The following CYLD variants were observed in gnomAD, a reference collection of about 807,000 sequenced individuals.
CYLD encodes ubiquitin carboxyl-terminal hydrolase CYLD.
Under a neutral mutation model 104.5 loss-of-function variants are expected in CYLD, and 26 were observed. The observed-to-expected ratio is 0.25, with a 90% CI of 0.18 to 0.35. The LOEUF is 0.35. CYLD is among the 10% of genes least tolerant of loss of function. The pLI, the probability that CYLD is intolerant of heterozygous loss-of-function variation, is 1.00. For synonymous variants in CYLD, 385 were observed against 399.9 expected (o/e 0.96, Z 0.45); for missense variants, 703 against 1,136.1 (o/e 0.62, Z 5.48).
rs773694519 is a variant in CYLD at position 50,796,530 on chromosome 16, A to G, written c.*22A>G. Reference sequence around the variant, plus strand: ...ATAACTGGGGTCATCGGGAAAGGCAAAGAAACTGAAGGCAGAGTCCTAACG... The same window carrying G: ...ATAACTGGGGTCATCGGGAAAGGCAGAGAAACTGAAGGCAGAGTCCTAACG... On this transcript the variant is annotated 3_prime_UTR_variant, in exon 19 of 19. Transcript: ENST00000427738. The G allele has an allele frequency of 3.2e-5, 52 of 1,609,950 alleles. No individual in the cohort carries two copies. Among genetic ancestry groups the G allele is most frequent in the Non-Finnish European group, 4.4e-5 (52 of 1,179,260 alleles).
At chr16:50,772,377 A>T (rs980662294) in intron 5 of CYLD, among the ~76,000 whole-genome samples, 3 of 152,152 alleles carry the variant, frequency 2.0e-5, no homozygotes, top group Non-Finnish European at 4.4e-5. Flanking sequence ...TTTGTTTTAT[A>T]TATTATGTCT....
At chr16:50,765,052 T>C (rs543743496) in intron 5 of CYLD, among the ~76,000 whole-genome samples, 1 of 152,338 alleles carries the variant, frequency 6.6e-6, no homozygotes, top group Non-Finnish European at 1.5e-5. Context: ...CAGAGTAACA[T>C]GGCTAAATGT....
chr16:50,779,638 T>C lies in CYLD; in HGVS notation c.1139-27T>C, dbSNP rs373480008. The C allele has an allele frequency of 1.7e-5, 28 of 1,609,708 alleles. No individual in the cohort carries two copies. In the African/African-American group the frequency reaches 3.2e-4, roughly 18 times the overall value. On this transcript the variant is annotated intron_variant, in intron 8 of 18. Transcript: ENST00000427738. ...GACAGAGTCAATATCCTTGAATACA[T>C]TTCTGTAATTAGGAATAATTTTTTA... is the stretch of plus-strand genomic sequence containing the variant.
rs368114885 is a variant in CYLD, at chr16:50,749,768, C to T, written c.70C>T (p.Leu24Phe). 3.1e-6 allele frequency: 5 copies of T among 1,613,614 alleles called. No homozygotes were observed. In the African/African-American group the frequency reaches 6.7e-5, roughly 22 times the overall value. ...CTGGGAAGAGCGGATTTTTTACTTG[C>T]TTCTTCAAGAATGCAGCGTTACAGA... Reference protein sequence around the residue: ...PYWEERIFYLLLQECSVTDKQ... With the variant: ...PYWEERIFYLFLQECSVTDKQ... The change falls in exon 3 of 19, where the codon CTT becomes TTT. Residue 24 changes from leucine to phenylalanine, a missense_variant. Transcript: ENST00000427738.
chr16:50,785,576 A>C (rs1373491694), intron 12 of CYLD: 1 of 152,210 alleles, frequency 6.6e-6, no homozygotes, highest in Non-Finnish European at 1.5e-5. Flanking sequence ...AGACAGGTCA[A>C]ACCCGAAACT....
At chr16:50,765,918 C>T (rs1011137655) in intron 5 of CYLD, among the ~76,000 whole-genome samples, 1 of 152,166 alleles carries the variant, frequency 6.6e-6, no homozygotes, top group Non-Finnish European at 1.5e-5. Flanking sequence ...GGTTCATAAA[C>T]TTTAAGGAAA....
At chr16:50,755,152 T>C (rs1160491006) in intron 5 of CYLD, among the ~76,000 whole-genome samples, 1 of 36,812 alleles carries the variant, frequency 2.7e-5, no homozygotes, top group Non-Finnish European at 5.4e-5. Context: ...CATATGTGTG[T>C]ATATACACAC....
Position 50,750,166 on chromosome 16 carries a change from G to A in CYLD, c.468G>A (p.Arg156=). Residue 156 remains arginine, a synonymous_variant, in exon 3 of 19, where the codon AGG becomes AGA. Transcript: ENST00000427738. Reference sequence around the variant, plus strand: ...TCAGAGGACCCCTGTTAGCAGAGAGGACAGTCTCCGGAATATTCTTTGGAG... The same window carrying A: ...TCAGAGGACCCCTGTTAGCAGAGAGAACAGTCTCCGGAATATTCTTTGGAG... ...VRFRGPLLAE[R]TVSGIFFGVE... 7.4e-6 allele frequency: 12 copies of A among 1,613,972 alleles called. No individual in the cohort carries two copies. The highest frequency in any genetic ancestry group is 1.0e-5 in the Non-Finnish European group (12 of 1,179,970).
chr16:50,748,668 A>C (rs1488881358), intron 2 of CYLD, among the ~76,000 whole-genome samples: 2 of 152,202 alleles, frequency 1.3e-5, no homozygotes, highest in Non-Finnish European at 2.9e-5. Context: ...GATGCTACAA[A>C]ATTGATTTTT....
chr16:50,787,969 T>C, intron 14 of CYLD, 117 bp downstream of exon 14: 1 of 648,788 alleles, frequency 1.5e-6, no homozygotes, highest in Non-Finnish European at 2.7e-6. Context: ...TGTTTAGGGC[T>C]CTTAATAGGC....
At chr16:50,761,746 ATATC>A (rs58093805) in intron 5 of CYLD, among the ~76,000 whole-genome samples, 157 of 149,896 alleles carry the variant, frequency 1.0e-3, no homozygotes, top group Non-Finnish European at 1.7e-3. Context: ...ACATATCTCT[ATATC>A]TATCTATCTA....
rs781004605 is a variant in CYLD at position 50,800,896 on chromosome 16, C to T, written c.*4388C>T. On this transcript the variant is annotated 3_prime_UTR_variant, in exon 19 of 19. Coordinates refer to ENST00000427738, the MANE Select transcript of CYLD (RefSeq NM_001378743.1). ...AGGTGAGGAGTCGGGGAGGAGAAAGCGATGTTAAAATGAAAACTCACTGCA... is the reference window on the plus strand; with the variant it reads ...AGGTGAGGAGTCGGGGAGGAGAAAGTGATGTTAAAATGAAAACTCACTGCA... The T allele has an allele frequency of 4.9e-4, 115 of 233,266 alleles. No individual in the cohort carries two copies. The highest frequency in any genetic ancestry group is 2.0e-3 in the African/African-American group (89 of 45,408). The allele number at this position is 233,266 out of a possible 1,614,324, so 14.4% of individuals were successfully genotyped here.
intron 4 of CYLD, 99 bp from the exon 5 acceptor site, chr16:50,754,220 C>T (rs1018155622): frequency 1.3e-5 from 10 of 789,894 alleles, no homozygotes; most frequent in Non-Finnish European, 2.2e-5. Context: ...TTAACATTTA[C>T]CAATGTAAAA....
chr16:50,781,213 G>A (rs759012122), intron 9 of CYLD, 33 bp from the exon 10 acceptor site: 6 of 1,612,210 alleles, frequency 3.7e-6, no homozygotes, highest in Admixed American at 1.7e-5. Context: ...TGTAAGGCAC[G>A]GTATAATGCA....
rs1438972058 is a variant in CYLD, at chr16:50,801,922, C to A, written c.*5414C>A. On this transcript the variant is annotated 3_prime_UTR_variant, in exon 19 of 19. Transcript: ENST00000427738. ...TACTATTTCTGTATCATTAAAATTACATTTTTATGGTTCCTTTTCCTGGAT... is the reference window on the plus strand; with the variant it reads ...TACTATTTCTGTATCATTAAAATTAAATTTTTATGGTTCCTTTTCCTGGAT... The A allele has an allele frequency of 4.4e-6, 1 of 226,506 alleles. No individual in the cohort carries two copies. Among genetic ancestry groups the A allele is most frequent in the African/African-American group, 2.2e-5 (1 of 44,940 alleles). 14.0% of individuals were successfully genotyped at this position (226,506 alleles called of 1,614,324 possible).
intron 11 of CYLD, 121 bp from the exon 12 acceptor site, chr16:50,784,208 C>A: frequency 8.8e-7 from 1 of 1,142,478 alleles, no homozygotes; most frequent in Non-Finnish European, 1.3e-6. Flanking sequence ...ATGAAAAACA[C>A]AAATTGTTAT....
intron 11 of CYLD, among the ~76,000 whole-genome samples, chr16:50,783,304 G>C (rs1409104298): frequency 2.0e-5 from 3 of 152,020 alleles, no homozygotes; most frequent in African/African-American, 7.2e-5. Flanking sequence ...TTGTAGACTG[G>C]GCTAAATTGA....
At position 50,800,105 on chromosome 16, in the gene CYLD, T is replaced by C. The variant is rs372708124; in HGVS notation, c.*3597T>C. The C allele has an allele frequency of 4.0e-4, 93 of 233,188 alleles. 1 individual carries two copies. The highest frequency in any genetic ancestry group is 2.0e-3 in the African/African-American group (89 of 45,456). 14.4% of individuals were successfully genotyped at this position (233,188 alleles called of 1,614,324 possible). On this transcript the variant is annotated 3_prime_UTR_variant, in exon 19 of 19. Transcript: ENST00000427738. ...GCATTCTAGCCCTGTTTCTGTCACT[T>C]GCTCTGTACACTTAGACAACAGCTT... is the stretch of plus-strand genomic sequence containing the variant.
chr16:50,784,513 A>G, intron 12 of CYLD, 62 bp downstream of exon 12: 3 of 1,538,592 alleles, frequency 1.9e-6, no homozygotes, highest in Non-Finnish European at 2.7e-6. Context: ...GTTTTCTGGT[A>G]TAGTAATTAA....
Sources: allele counts gnomAD v4.1 joint callset (sites outside exome capture counted in the v4.1 genomes callset), GRCh38; gene constraint gnomAD v4.1.1; transcripts MANE v1.5; gene names NCBI Gene and HGNC (gene_info 2026-07-23, HGNC 2026-07-21).